The following UTRN variants were observed in gnomAD, a reference collection of about 807,000 sequenced individuals.
UTRN encodes utrophin.
A neutral mutation model predicts 463.9 loss-of-function variants in UTRN; 283 were observed. The ratio of observed to expected loss-of-function variants is 0.61; its 90% CI spans 0.55 to 0.67. UTRN has a LOEUF of 0.67. Ranked by LOEUF, UTRN falls within the 30% of genes least tolerant of loss-of-function variation. The pLI is 0.00. For missense variants in UTRN, 3,922 were observed against 4,084.3 expected, an observed-to-expected ratio of 0.96 and a Z score of 1.08; for synonymous variants, 1,442 against 1,431.5, an observed-to-expected ratio of 1.01 and a Z score of -0.17.
At chr6:144,430,093 G>GT (rs370778331) in intron 9 of UTRN, among the ~76,000 whole-genome samples, 32 of 151,920 alleles carry the variant, frequency 2.1e-4, no homozygotes, top group African/African-American at 6.8e-4. Flanking sequence ...TATCAGCCTA[G>GT]TTTTTTTTCT....
In UTRN at chr6:144,499,295, G is replaced by C. The variant is rs1317667418; in HGVS notation, c.4632G>C (p.Gln1544His). 1.2e-6 allele frequency: 2 copies of C among 1,613,204 alleles called. No individual in the cohort carries two copies. Among genetic ancestry groups the C allele is most frequent in the Non-Finnish European group, 1.7e-6 (2 of 1,179,382 alleles). The part of the protein sequence containing the change: ...EGKQDLERAS[Q>H]LARKMKKEAA... ...AACAGGATCTGGAAAGAGCATCACA[G>C]TTGGCCCGGAAAATGAAGAAAGAGG... Residue 1544 changes from glutamine (Q) to histidine (H), a missense_variant, in exon 34 of 75, where the codon CAG (glutamine) becomes CAC (histidine). Around this residue, in one of 3 missense-constraint regions of UTRN, gnomAD observed 2,349 missense variants for 2,303.8 expected, o/e 1.02. Coordinates refer to ENST00000367545, the MANE Select transcript of UTRN (RefSeq NM_007124.3).
chr6:144,599,472 T>A (rs1365394994), intron 51 of UTRN, among the ~76,000 whole-genome samples: 1 of 152,204 alleles, frequency 6.6e-6, no homozygotes, highest in East Asian at 1.9e-4. Context: ...TTGTTTTTTT[T>A]AAATCTCTAA....
intron 52 of UTRN, among the ~76,000 whole-genome samples, chr6:144,689,436 C>A (rs1333879970): frequency 6.6e-6 from 1 of 152,228 alleles, no homozygotes; most frequent in Non-Finnish European, 1.5e-5. Flanking sequence ...GTCTGGGAGT[C>A]AAGGCCTGCT....
intron 51 of UTRN, among the ~76,000 whole-genome samples, chr6:144,638,266 A>G (rs572027142): frequency 6.6e-6 from 1 of 152,320 alleles, no homozygotes; most frequent in Non-Finnish European, 1.5e-5. Context: ...TGCTCATTAT[A>G]CTCGGAAGAT....
At chr6:144,801,316 T>G (rs1777679243) in intron 64 of UTRN, among the ~76,000 whole-genome samples, 2 of 151,920 alleles carry the variant, frequency 1.3e-5, no homozygotes, top group South Asian at 2.1e-4. Context: ...AGATTACACA[T>G]GAAGGGAATG....
chr6:144,835,925 G>A lies in UTRN; in HGVS notation c.9811G>A (p.Glu3271Lys). The stretch of plus-strand genomic sequence containing the variant: ...ACTGGAGAGGATCATTGCTGACCTG[G>A]AGGAAGAACAAAGGTGTGCTAGGCC... ...GELERIIADL[E>K]EEQRNLQVEY... is the part of the protein sequence containing the mutation. Residue 3271 changes from glutamate (E) to lysine (K), a missense_variant, in exon 70 of 75, where the codon GAG (glutamate) becomes AAG (lysine). This residue lies in a region of UTRN where 1,309 missense variants were observed against 1,452.6 expected (regional missense o/e 0.90). Coordinates refer to ENST00000367545, the MANE Select transcript of UTRN (RefSeq NM_007124.3). 1 of 1,614,072 alleles carries A rather than the reference G, an allele frequency of 6.2e-7. No individual in the cohort carries two copies. Among genetic ancestry groups the A allele is most frequent in the Non-Finnish European group, 8.5e-7 (1 of 1,179,972 alleles).
At chr6:144,470,763 G>A (rs920773166) in intron 23 of UTRN, among the ~76,000 whole-genome samples, 5 of 152,020 alleles carry the variant, frequency 3.3e-5, no homozygotes, top group Non-Finnish European at 5.9e-5. Flanking sequence ...GTGAGACTCC[G>A]TCTGCAATCC....
At chr6:144,353,246 C>A (rs1407107037) in intron 2 of UTRN, among the ~76,000 whole-genome samples, 1 of 152,104 alleles carries the variant, frequency 6.6e-6, no homozygotes, top group Non-Finnish European at 1.5e-5. Context: ...TCCCGAGTAG[C>A]TGGGACTACA....
At chr6:144,761,804 C>T (rs1792721083) in intron 58 of UTRN, among the ~76,000 whole-genome samples, 2 of 152,070 alleles carry the variant, frequency 1.3e-5, no homozygotes, top group African/African-American at 4.8e-5. Context: ...TTGTTCATTT[C>T]CTCAGATAAA....
intron 2 of UTRN, among the ~76,000 whole-genome samples, chr6:144,319,636 C>T (rs1045418788): frequency 2.6e-5 from 4 of 152,074 alleles, no homozygotes; most frequent in East Asian, 1.9e-4. Flanking sequence ...GGCGCCATCT[C>T]GGCTCACTGC....
intron 51 of UTRN, among the ~76,000 whole-genome samples, chr6:144,612,129 C>T (rs1374629553): frequency 1.3e-5 from 2 of 152,078 alleles, no homozygotes; most frequent in African/African-American, 4.8e-5. Flanking sequence ...GGGTAAAGGA[C>T]AGTTTCTTCA....
chr6:144,377,608 A>G (rs749869495), intron 2 of UTRN, among the ~76,000 whole-genome samples: 80 of 152,148 alleles, frequency 5.3e-4, no homozygotes, highest in Admixed American at 3.7e-3. Flanking sequence ...CCGGAGTGCC[A>G]TTATTAACAG....
At chr6:144,788,565 ATTT>A (rs796235314) in intron 61 of UTRN, among the ~76,000 whole-genome samples, 4 of 136,812 alleles carry the variant, frequency 2.9e-5, no homozygotes, top group Admixed American at 7.3e-5. Context: ...AATTCATAGT[ATTT>A]TTTTTTTTTT....
intron 2 of UTRN, among the ~76,000 whole-genome samples, chr6:144,389,764 A>ATT (rs1781745666): frequency 6.6e-6 from 1 of 152,036 alleles, no homozygotes; most frequent in African/African-American, 2.4e-5. Context: ...ACGCACAGCT[A>ATT]ATTTTTGTAT....
chr6:144,433,635 C>T (rs1348577924), intron 9 of UTRN, among the ~76,000 whole-genome samples: 13 of 151,012 alleles, frequency 8.6e-5, no homozygotes, highest in East Asian at 2.0e-4. Flanking sequence ...ACGGGGCGGC[C>T]GGGCAGAGAC....
chr6:144,371,623 G>C (rs527426830), intron 2 of UTRN, among the ~76,000 whole-genome samples: 1 of 152,286 alleles, frequency 6.6e-6, no homozygotes, highest in South Asian at 2.1e-4. Flanking sequence ...GTTGAGGCTG[G>C]TCTTGAACTC....
chr6:144,677,192 G>T (rs1781707549), intron 51 of UTRN, among the ~76,000 whole-genome samples: 1 of 152,088 alleles, frequency 6.6e-6, no homozygotes, highest in Admixed American at 6.6e-5. Flanking sequence ...GTGGTTTGCT[G>T]CACCTATCAA....
intron 62 of UTRN, among the ~76,000 whole-genome samples, chr6:144,792,329 A>G (rs1244984213): frequency 6.6e-6 from 1 of 152,144 alleles, no homozygotes; most frequent in Admixed American, 6.6e-5. Context: ...GGGCAGATCA[A>G]CTGTGATCGG....
chr6:144,537,673 A>G lies in UTRN; in HGVS notation c.6325A>G (p.Lys2109Glu). ...WLTKAEHAMQ[K>E]RSTTELGENL... ...AACAAAGGCTGAGCATGCTATGCAA[A>G]AGAGATCAACCACCGAATTGGGAGA... The change falls in exon 44 of 75, where the codon AAG (lysine) becomes GAG (glutamate). Residue 2109 changes from lysine (K) to glutamate (E), a missense_variant. Around this residue, in one of 3 missense-constraint regions of UTRN, gnomAD observed 2,349 missense variants for 2,303.8 expected, o/e 1.02. Coordinates refer to ENST00000367545, the MANE Select transcript of UTRN (RefSeq NM_007124.3). The G allele has an allele frequency of 6.2e-7, 1 of 1,611,814 alleles. No homozygotes were observed. Among genetic ancestry groups the G allele is most frequent in the Non-Finnish European group, 8.5e-7 (1 of 1,179,128 alleles).
Sources: allele counts gnomAD v4.1 joint callset (sites outside exome capture counted in the v4.1 genomes callset), GRCh38; gene constraint gnomAD v4.1.1; regional missense constraint gnomAD v4.1.1; transcripts MANE v1.5; gene names NCBI Gene and HGNC (gene_info 2026-07-23, HGNC 2026-07-21).